RERG: variants seen among roughly 807,000 people sequenced by gnomAD.
RERG encodes the protein ras-related and estrogen-regulated growth inhibitor.
In RERG, 25 loss-of-function variants were observed where a neutral mutation model predicts 23.2. That is an observed-to-expected ratio of 1.08 (90% CI 0.79 to 1.50). The LOEUF is 1.50. Among genes scored for constraint, RERG ranks in the 40% most tolerant of loss-of-function variants. The pLI, the probability that RERG is intolerant of heterozygous loss-of-function variation, is 0.00. For synonymous variants in RERG, 81 were observed against 89.1 expected (o/e 0.91, Z 0.51); for missense variants, 253 against 250.1 (o/e 1.01, Z -0.08).
intron 2 of RERG, among the ~76,000 whole-genome samples, chr12:15,150,969 A>G (rs1368923595): frequency 2.0e-5 from 3 of 152,216 alleles, no homozygotes; most frequent in African/African-American, 4.8e-5. Context: ...AGAAAATGAA[A>G]GTACATAATA....
At chr12:15,116,833 T>A (rs561450680) in intron 3 of RERG, among the ~76,000 whole-genome samples, 1 of 152,320 alleles carries the variant, frequency 6.6e-6, no homozygotes, top group South Asian at 2.1e-4. Context: ...GTTTGTTTGG[T>A]GGATTTGCTT....
At chr12:15,148,812 A>C (rs1864378894) in intron 2 of RERG, among the ~76,000 whole-genome samples, 1 of 128,706 alleles carries the variant, frequency 7.8e-6, no homozygotes, top group African/African-American at 2.9e-5. Flanking sequence ...TTTGGGCAAT[A>C]GTTTCATTAA....
chr12:15,156,788 C>A (rs977486038), intron 2 of RERG, among the ~76,000 whole-genome samples: 1 of 152,118 alleles, frequency 6.6e-6, no homozygotes, highest in Admixed American at 6.5e-5. Context: ...TTAAGTCAGA[C>A]CCTGAAGTCA....
At position 15,149,385 on chromosome 12, in the gene RERG, CA is replaced by C. The variant is rs1273550383; in HGVS notation, c.62-28267del. ...TAAAATGTATCTTTATATTTAAAGCCAAAAAAATGTATCCACATCTACTATG... is the reference window on the plus strand; with the variant it reads ...TAAAATGTATCTTTATATTTAAAGCCAAAAAATGTATCCACATCTACTATG... On this transcript the variant is annotated intron_variant, in intron 2 of 4. Transcript: ENST00000256953. Among the ~76,000 whole-genome samples, 5 of 151,632 alleles carry C rather than the reference CA, an allele frequency of 3.3e-5. No individual in the cohort carries two copies. In the East Asian group the frequency reaches 5.8e-4, roughly 18 times the overall value.
chr12:15,139,014 C>CTTTTTTTTTTTTTTT (rs34755371), intron 2 of RERG, among the ~76,000 whole-genome samples: 10 of 51,114 alleles, frequency 2.0e-4, no homozygotes, highest in East Asian at 6.1e-4. Context: ...TGTGTCTAGA[C>CTTTTTTTTTTTTTTT]TTTTTTTTTT....
rs1017632115 is a variant in RERG at position 15,137,271 on chromosome 12, T to C, written c.62-16152A>G. Among the ~76,000 whole-genome samples, 6 of 151,816 alleles carry C rather than the reference T, an allele frequency of 4.0e-5. No homozygotes were observed. The East Asian group carries it at 1.2e-3, about 29-fold the overall frequency. The stretch of plus-strand genomic sequence containing the variant: ...ACATTATCACATTTGTCTATCCCTT[T>C]ACTTTTAATCTATATGTGTCTTTAT... On this transcript the variant is annotated intron_variant, in intron 2 of 4. Coordinates refer to ENST00000256953, the MANE Select transcript of RERG (RefSeq NM_032918.3).
Position 15,117,772 on chromosome 12 carries a change from G to T in RERG, c.118+3291C>A, listed in dbSNP as rs115443277. On this transcript the variant is annotated intron_variant, in intron 3 of 4. Coordinates refer to ENST00000256953, the MANE Select transcript of RERG (RefSeq NM_032918.3). ...CTGTGGTGACCAGCATTCTTAGAGGGTAATATGACTCTTGGAGATAGGGAT... is the reference window on the plus strand; with the variant it reads ...CTGTGGTGACCAGCATTCTTAGAGGTTAATATGACTCTTGGAGATAGGGAT... Among the ~76,000 whole-genome samples the T allele has an allele frequency of 6.1e-3, 932 of 152,032 alleles. 8 individuals are homozygous for T. The highest frequency in any genetic ancestry group is 0.021 in the African/African-American group (888 of 41,470).
At chr12:15,182,517 A>T (rs1864938633) in intron 2 of RERG, among the ~76,000 whole-genome samples, 1 of 152,306 alleles carries the variant, frequency 6.6e-6, no homozygotes, top group African/African-American at 2.4e-5. Flanking sequence ...TGACTCAAAG[A>T]TATAATATCA....
intron 2 of RERG, among the ~76,000 whole-genome samples, chr12:15,131,271 G>C (rs1342568888): frequency 6.6e-6 from 1 of 152,012 alleles, no homozygotes; most frequent in African/African-American, 2.4e-5. Flanking sequence ...TTGTGTCCAA[G>C]ATTTCAAACC....
At chr12:15,182,119 C>T (rs915002093) in intron 2 of RERG, among the ~76,000 whole-genome samples, 19 of 146,344 alleles carry the variant, frequency 1.3e-4, no homozygotes, top group African/African-American at 4.3e-4. Context: ...AGTGCAATGG[C>T]GCGATCTTGG....
chr12:15,171,564 T>C (rs1181980892), intron 2 of RERG, among the ~76,000 whole-genome samples: 9 of 152,174 alleles, frequency 5.9e-5, no homozygotes, highest in Admixed American at 2.0e-4. Flanking sequence ...TTAGTATGAC[T>C]GTGATTAGAA....
At chr12:15,118,435 T>G (rs1333326706) in intron 3 of RERG, among the ~76,000 whole-genome samples, 2 of 152,224 alleles carry the variant, frequency 1.3e-5, no homozygotes, top group African/African-American at 4.8e-5. Context: ...AATTCAAGAC[T>G]GCTTCTTGTA....
At chr12:15,183,302 GC>G (rs1864949811) in intron 2 of RERG, among the ~76,000 whole-genome samples, 1 of 151,944 alleles carries the variant, frequency 6.6e-6, no homozygotes, top group South Asian at 2.1e-4. Flanking sequence ...AGATACGTGG[GC>G]AAACATATAA....
At chr12:15,138,373 AGT>A (rs758474790) in intron 2 of RERG, among the ~76,000 whole-genome samples, 17 of 151,808 alleles carry the variant, frequency 1.1e-4, no homozygotes, top group Non-Finnish European at 1.8e-4. Context: ...TATATTTTTC[AGT>A]GTCTTTTCTC....
chr12:15,217,292 A>C, intron 2 of RERG, 137 bp downstream of exon 2: 2 of 665,894 alleles, frequency 3.0e-6, no homozygotes, highest in Non-Finnish European at 5.4e-6. Context: ...TTCTAGATGA[A>C]GAGACTTTAT....
At chr12:15,191,561 A>C (rs1591664601) in intron 2 of RERG, among the ~76,000 whole-genome samples, 1 of 152,022 alleles carries the variant, frequency 6.6e-6, no homozygotes, top group South Asian at 2.1e-4. Context: ...CACAATGTGC[A>C]CTCTACTTAA....
intron 3 of RERG, among the ~76,000 whole-genome samples, chr12:15,113,133 G>A (rs1470317660): frequency 6.6e-6 from 1 of 152,100 alleles, no homozygotes; most frequent in African/African-American, 2.4e-5. Flanking sequence ...AGTATATCAG[G>A]GTGAAGATGG....
intron 3 of RERG, among the ~76,000 whole-genome samples, chr12:15,114,084 C>T (rs940670046): frequency 6.6e-6 from 1 of 151,830 alleles, no homozygotes; most frequent in African/African-American, 2.4e-5. Flanking sequence ...AAGAATTGGC[C>T]ACTAAATGCA....
chr12:15,117,838 T>C (rs1180570073), intron 3 of RERG, among the ~76,000 whole-genome samples: 1 of 152,112 alleles, frequency 6.6e-6, no homozygotes, highest in Non-Finnish European at 1.5e-5. Flanking sequence ...TGGATCCTGT[T>C]GTTCTACAAT....
Sources: allele counts gnomAD v4.1 joint callset (sites outside exome capture counted in the v4.1 genomes callset), GRCh38; gene constraint gnomAD v4.1.1; transcripts MANE v1.5; gene names NCBI Gene and HGNC (gene_info 2026-07-23, HGNC 2026-07-21).